SSBP3: variants seen among roughly 807,000 people sequenced by gnomAD.
SSBP3 encodes the protein single-stranded DNA-binding protein 3.
A neutral mutation model predicts 69.6 loss-of-function variants in SSBP3; 5 were observed. The observed-to-expected ratio is 0.07, with a 90% CI of 0.04 to 0.15. SSBP3 has a LOEUF of 0.15. Among genes scored for constraint, SSBP3 ranks in the 10% least tolerant of loss-of-function variants. The pLI, the probability that SSBP3 is intolerant of heterozygous loss-of-function variation, is 1.00. For missense variants in SSBP3, 312 were observed against 534.0 expected (o/e 0.58, Z 4.10); for synonymous variants, 196 against 193.4 (o/e 1.01, Z -0.11).
intron 14 of SSBP3, among the ~76,000 whole-genome samples, chr1:54,234,968 A>G (rs933282558): frequency 1.3e-5 from 2 of 152,214 alleles, no homozygotes; most frequent in African/African-American, 4.8e-5. Flanking sequence ...AACGGAATAT[A>G]GTCAAACTTA....
At chr1:54,344,701 G>A (rs908390620) in intron 4 of SSBP3, among the ~76,000 whole-genome samples, 5 of 152,216 alleles carry the variant, frequency 3.3e-5, no homozygotes, top group Non-Finnish European at 5.9e-5. Context: ...AAGGAGCAAA[G>A]AGATGAGAGA....
chr1:54,340,670 G>A (rs754912430), intron 4 of SSBP3, among the ~76,000 whole-genome samples: 1 of 152,256 alleles, frequency 6.6e-6, no homozygotes, highest in Non-Finnish European at 1.5e-5. Flanking sequence ...CCAGGGAAAT[G>A]ACTGATAAGG....
chr1:54,328,706 G>C (rs923005419), intron 4 of SSBP3, among the ~76,000 whole-genome samples: 8 of 152,180 alleles, frequency 5.3e-5, no homozygotes, highest in Admixed American at 5.2e-4. Flanking sequence ...TTTATAAAAA[G>C]CCATCACACA....
chr1:54,226,646 CTTTTT>C (rs750488906), exon 18 of SSBP3: 1 of 137,562 alleles, frequency 7.3e-6, no homozygotes, highest in African/African-American at 2.9e-5. Flanking sequence ...TCTGGTTTTC[CTTTTT>C]TTTTTTTCCT....
intron 14 of SSBP3, chr1:54,238,539 C>T (rs1005529577): frequency 5.5e-6 from 2 of 366,046 alleles, no homozygotes; most frequent in African/African-American, 4.3e-5. Context: ...CAAGTCCCAT[C>T]CAGTGGGTGC....
chr1:54,243,320 C>T, intron 9 of SSBP3, 21 bp from the exon 10 acceptor site: 1 of 1,613,978 alleles, frequency 6.2e-7, no homozygotes, highest in South Asian at 1.1e-5. Flanking sequence ...AACCAAGGGT[C>T]AGTCTATGAG....
chr1:54,302,141 G>A (rs1169274684), intron 4 of SSBP3, among the ~76,000 whole-genome samples: 1 of 152,180 alleles, frequency 6.6e-6, no homozygotes, highest in Non-Finnish European at 1.5e-5. Context: ...CCTTCATTCT[G>A]TGTCTGTTTG....
intron 5 of SSBP3, among the ~76,000 whole-genome samples, chr1:54,262,088 A>G (rs946975675): frequency 6.6e-6 from 1 of 152,190 alleles, no homozygotes; most frequent in Admixed American, 6.5e-5. Flanking sequence ...TAGGGTTTGG[A>G]AGGAACTGGG....
intron 4 of SSBP3, among the ~76,000 whole-genome samples, chr1:54,377,452 G>A (rs1166339831): frequency 1.3e-5 from 2 of 152,232 alleles, no homozygotes; most frequent in Non-Finnish European, 2.9e-5. Context: ...TCTAGATGAG[G>A]ATACTGAGGT....
intron 10 of SSBP3, 172 bp downstream of exon 10, chr1:54,243,063 T>C: frequency 1.5e-6 from 1 of 688,020 alleles, no homozygotes; most frequent in East Asian, 2.5e-5. Context: ...AGGCACTCTA[T>C]GAGGCTGAGC....
chr1:54,285,780 C>T (rs919347463), intron 4 of SSBP3, among the ~76,000 whole-genome samples: 1 of 152,232 alleles, frequency 6.6e-6, no homozygotes, highest in East Asian at 1.9e-4. Context: ...CTGAGGCCTA[C>T]AGCATGCCAG....
At chr1:54,291,682 T>C (rs1363883410) in intron 4 of SSBP3, among the ~76,000 whole-genome samples, 2 of 152,250 alleles carry the variant, frequency 1.3e-5, no homozygotes, top group African/African-American at 4.8e-5. Context: ...GAGTCATTAA[T>C]TGATTTATTA....
intron 9 of SSBP3, among the ~76,000 whole-genome samples, chr1:54,250,527 C>G (rs367586512): frequency 1.0e-5 from 1 of 96,598 alleles, no homozygotes; most frequent in East Asian, 2.8e-4. Flanking sequence ...AAAGGGAGCA[C>G]GTGTGGGCGG....
chr1:54,339,882 C>A (rs1468422409), intron 4 of SSBP3, among the ~76,000 whole-genome samples: 1 of 152,018 alleles, frequency 6.6e-6, no homozygotes, highest in Non-Finnish European at 1.5e-5. Flanking sequence ...CCACTTCACT[C>A]CAGCACGGGC....
chr1:54,342,543 A>C (rs1193438125), intron 4 of SSBP3, among the ~76,000 whole-genome samples: 1 of 152,076 alleles, frequency 6.6e-6, no homozygotes, highest in East Asian at 1.9e-4. Context: ...TTCCCAGGCA[A>C]GGCCTCCCAC....
At chr1:54,299,649 A>G (rs948974929) in intron 4 of SSBP3, among the ~76,000 whole-genome samples, 2 of 152,210 alleles carry the variant, frequency 1.3e-5, no homozygotes, top group African/African-American at 4.8e-5. Flanking sequence ...AGCTCTCAGC[A>G]GGCCGGCCCA....
chr1:54,274,369 G>C (rs764394242), intron 5 of SSBP3, among the ~76,000 whole-genome samples: 10 of 150,100 alleles, frequency 6.7e-5, no homozygotes, highest in Non-Finnish European at 1.2e-4. Context: ...TTCTGACTTG[G>C]AGAGTGCTTC....
intron 4 of SSBP3, among the ~76,000 whole-genome samples, chr1:54,382,623 A>G (rs1647735695): frequency 6.6e-6 from 1 of 152,230 alleles, no homozygotes; most frequent in African/African-American, 2.4e-5. Context: ...CAATTTTAGC[A>G]GAAAGTAGTT....
At chr1:54,349,450 G>C (rs1173738328) in intron 4 of SSBP3, among the ~76,000 whole-genome samples, 3 of 152,214 alleles carry the variant, frequency 2.0e-5, no homozygotes, top group Non-Finnish European at 4.4e-5. Context: ...TGACCATCTT[G>C]GGGACAGAAG....
Sources: allele counts gnomAD v4.1 joint callset (sites outside exome capture counted in the v4.1 genomes callset), GRCh38; gene constraint gnomAD v4.1.1; transcripts MANE v1.5; gene names NCBI Gene and HGNC (gene_info 2026-07-23, HGNC 2026-07-21).